DPYD: variants seen among roughly 807,000 people sequenced by gnomAD.
DPYD encodes the protein dihydropyrimidine dehydrogenase [NADP(+)].
DPYD carries 109 observed loss-of-function variants against 116.2 expected under a neutral mutation model. The ratio of observed to expected loss-of-function variants is 0.94; its 90% CI spans 0.80 to 1.10. DPYD has a LOEUF of 1.10. DPYD is among the 50% of genes least tolerant of loss of function. DPYD has a pLI of 0.00. For synonymous variants in DPYD, 440 were observed against 432.0 expected (o/e 1.02, Z -0.23); for missense variants, 1,302 against 1,254.5 (o/e 1.04, Z -0.57).
intron 13 of DPYD, among the ~76,000 whole-genome samples, chr1:97,483,477 G>A (rs1345442928): frequency 2.6e-5 from 4 of 152,094 alleles, no homozygotes; most frequent in Non-Finnish European, 5.9e-5. Context: ...ACAGGGAGGC[G>A]AACGACACTG....
chr1:97,449,674 T>C (rs928843993), intron 14 of DPYD, among the ~76,000 whole-genome samples: 1 of 152,226 alleles, frequency 6.6e-6, no homozygotes, highest in African/African-American at 2.4e-5. Context: ...CATAGGAAGA[T>C]ATGCTGCTTC....
chr1:97,174,130 T>C (rs1657082792), intron 20 of DPYD, among the ~76,000 whole-genome samples: 1 of 152,108 alleles, frequency 6.6e-6, no homozygotes, highest in African/African-American at 2.4e-5. Context: ...GGTTTGTTTG[T>C]ATAAGGGTAG....
intron 20 of DPYD, among the ~76,000 whole-genome samples, chr1:97,142,287 C>G (rs1167313700): frequency 6.6e-6 from 1 of 152,132 alleles, no homozygotes; most frequent in African/African-American, 2.4e-5. Flanking sequence ...CTTTGGCAAG[C>G]ATTTCTGCTT....
intron 8 of DPYD, among the ~76,000 whole-genome samples, chr1:97,669,837 C>T (rs1659761914): frequency 6.6e-6 from 1 of 152,104 alleles, no homozygotes; most frequent in South Asian, 2.1e-4. Flanking sequence ...TAGTTTCCTC[C>T]AACTTGCATC....
intron 13 of DPYD, among the ~76,000 whole-genome samples, chr1:97,491,232 C>A (rs1239568805): frequency 1.4e-5 from 2 of 146,106 alleles, no homozygotes; most frequent in Non-Finnish European, 1.5e-5. Flanking sequence ...ATATTATATA[C>A]CACTAATAAT....
intron 8 of DPYD, among the ~76,000 whole-genome samples, chr1:97,615,682 G>A (rs1656219651): frequency 6.6e-6 from 1 of 151,908 alleles, no homozygotes; most frequent in Non-Finnish European, 1.5e-5. Flanking sequence ...CTCTCTGTTG[G>A]TATCATTCCC....
intron 14 of DPYD, among the ~76,000 whole-genome samples, chr1:97,439,493 A>T (rs1370167917): frequency 3.9e-5 from 6 of 152,184 alleles, no homozygotes; most frequent in Non-Finnish European, 1.5e-5. Context: ...TGATTAATTC[A>T]TTTACATAAT....
At chr1:97,654,074 C>T (rs1052532180) in intron 8 of DPYD, among the ~76,000 whole-genome samples, 12 of 152,118 alleles carry the variant, frequency 7.9e-5, no homozygotes, top group African/African-American at 2.9e-4. Context: ...CTTATCTTAG[C>T]CAACCCAACA....
chr1:97,267,385 G>A (rs1384939726), intron 18 of DPYD, among the ~76,000 whole-genome samples: 1 of 152,068 alleles, frequency 6.6e-6, no homozygotes, highest in Non-Finnish European at 1.5e-5. Context: ...GTGGAAGAAA[G>A]GGTATCAGTG....
At chr1:97,522,974 T>C (rs1648795974) in intron 12 of DPYD, among the ~76,000 whole-genome samples, 2 of 152,182 alleles carry the variant, frequency 1.3e-5, no homozygotes, top group South Asian at 2.1e-4. Context: ...TGCTATGAAA[T>C]TGAGGAATCC....
intron 8 of DPYD, among the ~76,000 whole-genome samples, chr1:97,658,544 T>A (rs1423535317): frequency 6.6e-6 from 1 of 152,162 alleles, no homozygotes; most frequent in Non-Finnish European, 1.5e-5. Context: ...AAGTTCCTGA[T>A]ATTAAATTAT....
At chr1:97,645,325 G>C (rs1658194114) in intron 8 of DPYD, among the ~76,000 whole-genome samples, 2 of 152,120 alleles carry the variant, frequency 1.3e-5, no homozygotes, top group Non-Finnish European at 2.9e-5. Flanking sequence ...TGGTAGGTCA[G>C]GGAGTGTTGA....
chr1:97,830,308 C>T (rs1237492982), intron 2 of DPYD, among the ~76,000 whole-genome samples: 1 of 152,126 alleles, frequency 6.6e-6, no homozygotes, highest in Non-Finnish European at 1.5e-5. Context: ...AATTATTGGA[C>T]ATAAATTTTT....
At chr1:97,838,059 T>C (rs2101523052) in intron 2 of DPYD, among the ~76,000 whole-genome samples, 1 of 152,302 alleles carries the variant, frequency 6.6e-6, no homozygotes, top group South Asian at 2.1e-4. Flanking sequence ...TTCATCCAAA[T>C]ATCAAAAATT....
intron 2 of DPYD, among the ~76,000 whole-genome samples, chr1:97,834,211 T>C (rs1488499826): frequency 6.6e-6 from 1 of 152,042 alleles, no homozygotes; most frequent in Non-Finnish European, 1.5e-5. Context: ...AACATCAAAT[T>C]TCTAATTTAA....
intron 8 of DPYD, among the ~76,000 whole-genome samples, chr1:97,645,034 A>G (rs1658175139): frequency 6.6e-6 from 1 of 152,142 alleles, no homozygotes; most frequent in Non-Finnish European, 1.5e-5. Flanking sequence ...TTTCCCCATC[A>G]GTATTTAAAG....
At chr1:97,673,831 G>A (rs561289347) in intron 8 of DPYD, among the ~76,000 whole-genome samples, 9 of 152,156 alleles carry the variant, frequency 5.9e-5, no homozygotes, top group Admixed American at 2.6e-4. Flanking sequence ...AAAAAGCATC[G>A]AAGTCAAGAA....
chr1:97,755,213 T>C (rs1235999926), intron 3 of DPYD, among the ~76,000 whole-genome samples: 1 of 152,136 alleles, frequency 6.6e-6, no homozygotes, highest in East Asian at 1.9e-4. Flanking sequence ...GATCAAGCTC[T>C]GCTCTAGTCT....
intron 20 of DPYD, among the ~76,000 whole-genome samples, chr1:97,143,024 G>A (rs1456599606): frequency 6.6e-6 from 1 of 151,780 alleles, no homozygotes; most frequent in Non-Finnish European, 1.5e-5. Flanking sequence ...AGAAATGTCT[G>A]GTAATATATG....
Sources: allele counts gnomAD v4.1 joint callset (sites outside exome capture counted in the v4.1 genomes callset), GRCh38; gene constraint gnomAD v4.1.1; transcripts MANE v1.5; gene names NCBI Gene and HGNC (gene_info 2026-07-23, HGNC 2026-07-21).